The following SETD3 variants were observed in gnomAD, a reference collection of about 807,000 sequenced individuals.
SETD3 encodes SET domain containing 3, actin N3(tau)-histidine methyltransferase.
Under a neutral mutation model 63.0 loss-of-function variants are expected in SETD3, and 19 were observed. The ratio of observed to expected loss-of-function variants is 0.30; its 90% confidence interval spans 0.21 to 0.44. The LOEUF is 0.44. Among genes scored for constraint, SETD3 ranks in the 20% least tolerant of loss-of-function variants. The pLI is 1.00. For synonymous variants in SETD3, 286 were observed against 264.1 expected (o/e 1.08, Z -0.80); for missense variants, 587 against 728.5 (o/e 0.81, Z 2.24).
chr14:99,423,834 T>C (rs1892729936), intron 6 of SETD3, among the ~76,000 whole-genome samples: 1 of 152,106 alleles, frequency 6.6e-6, no homozygotes, highest in Non-Finnish European at 1.5e-5. Context: ...CCAAGGGATA[T>C]CCAAGTAGCA....
intron 6 of SETD3, among the ~76,000 whole-genome samples, chr14:99,430,415 C>T (rs575435358): frequency 6.6e-6 from 1 of 152,204 alleles, no homozygotes; most frequent in South Asian, 2.1e-4. Context: ...TTTTCTATTC[C>T]ATGTATATAT....
chr14:99,464,697 G>A (rs552607491), intron 2 of SETD3, among the ~76,000 whole-genome samples: 3 of 152,222 alleles, frequency 2.0e-5, no homozygotes, highest in Non-Finnish European at 4.4e-5. Flanking sequence ...GCAACGGAGT[G>A]ACCACAGCTA....
At chr14:99,416,950 C>T (rs1200047041) in intron 6 of SETD3, among the ~76,000 whole-genome samples, 2 of 152,038 alleles carry the variant, frequency 1.3e-5, no homozygotes, top group Non-Finnish European at 2.9e-5. Flanking sequence ...TAATATTGTA[C>T]CGAGTACAAA....
upstream of SETD3, among the ~76,000 whole-genome samples, chr14:99,483,560 C>T (rs563093052): frequency 3.3e-5 from 5 of 152,246 alleles, no homozygotes; most frequent in East Asian, 9.7e-4. Context: ...AAGAAAAAGC[C>T]AGGTGACACA....
intron 6 of SETD3, among the ~76,000 whole-genome samples, chr14:99,439,958 T>C (rs574279931): frequency 1.3e-5 from 2 of 151,776 alleles, no homozygotes; most frequent in African/African-American, 4.8e-5. Context: ...CAGGTAATCT[T>C]TCTGTATTTT....
intron 6 of SETD3, among the ~76,000 whole-genome samples, chr14:99,454,778 A>G (rs1425775905): frequency 6.6e-6 from 1 of 152,084 alleles, no homozygotes; most frequent in African/African-American, 2.4e-5. Context: ...GTGGTGCTGC[A>G]GTGATTTCAG....
At chr14:99,449,339 A>G (rs1043710631) in intron 6 of SETD3, among the ~76,000 whole-genome samples, 2 of 152,256 alleles carry the variant, frequency 1.3e-5, no homozygotes, top group Admixed American at 1.3e-4. Context: ...ATAGTCTCAA[A>G]GTATCTTTCT....
chr14:99,434,090 A>G (rs920598789), intron 6 of SETD3, among the ~76,000 whole-genome samples: 5 of 152,264 alleles, frequency 3.3e-5, no homozygotes, highest in Non-Finnish European at 5.9e-5. Context: ...TATGTCCACA[A>G]GAAGATAAAC....
chr14:99,411,199 T>C (rs1891968687), intron 8 of SETD3: 1 of 152,188 alleles, frequency 6.6e-6, no homozygotes, highest in African/African-American at 2.4e-5. Context: ...GAATAAACCT[T>C]CTACAGGTTA....
At position 99,428,640 on chromosome 14, in the gene SETD3, G is replaced by A. The variant is rs189425127; in HGVS notation, c.676-14706C>T. ...AGCCTGGGTGACAGAGTAAGTCCCC[G>A]TCTCAAGAAAAAAGAAAGAAAAACA... On this transcript the variant is annotated intron_variant, in intron 6 of 12. Transcript: ENST00000331768. Among the ~76,000 whole-genome samples the A allele has an allele frequency of 5.3e-4, 81 of 152,218 alleles. 1 individual carries two copies. The highest frequency in any genetic ancestry group is 1.7e-3 in the African/African-American group (69 of 41,522).
At chr14:99,429,520 C>T (rs538133837) in intron 6 of SETD3, among the ~76,000 whole-genome samples, 89 of 152,236 alleles carry the variant, frequency 5.8e-4, no homozygotes, top group African/African-American at 1.6e-3. Flanking sequence ...GCTTAGGGTG[C>T]GAGGCATTTG....
rs150913505 is a variant in SETD3, at chr14:99,465,107, G to A, written c.103+596C>T. ...GTCGTCATAGTGCCATGGCACTCCA[G>A]CCTGGGTGAGAGAGCGGGACCCTGT... On this transcript the variant is annotated intron_variant, in intron 2 of 12. Transcript: ENST00000331768. Among the ~76,000 whole-genome samples, 27 of 152,332 alleles carry A rather than the reference G, an allele frequency of 1.8e-4. 1 individual carries two copies. The highest frequency in any genetic ancestry group is 5.2e-4 in the Admixed American group (8 of 15,306).
In SETD3 at chr14:99,413,046, T is replaced by C. The variant is rs1892090356; in HGVS notation, c.754A>G (p.Met252Val). Residue 252 changes from methionine to valine, a missense_variant, in exon 8 of 13, where the codon ATG becomes GTG. Transcript: ENST00000331768. ...EDYRWAVSSV[M>V]TRQNQIPTED... ...GTGGGAATTTGGTTTTGCCTCGTCA[T>C]AACAGAAGAGACTGCCCACCTATAA... 6.2e-7 allele frequency: 1 copy of C among 1,611,904 alleles called. No individual in the cohort carries two copies. The highest frequency in any genetic ancestry group is 8.5e-7 in the Non-Finnish European group (1 of 1,178,040).
At chr14:99,453,388 T>C (rs1226548776) in intron 6 of SETD3, among the ~76,000 whole-genome samples, 2 of 152,220 alleles carry the variant, frequency 1.3e-5, no homozygotes, top group East Asian at 3.8e-4. Flanking sequence ...TAATTTTTGC[T>C]TAAGTGTGTT....
intron 6 of SETD3, among the ~76,000 whole-genome samples, chr14:99,435,904 C>T (rs1020838564): frequency 7.9e-5 from 12 of 152,032 alleles, no homozygotes; most frequent in South Asian, 4.2e-4. Context: ...TCTCACACTG[C>T]GATGAAGAAC....
chr14:99,461,516 GGAA>G (rs1895060841), intron 3 of SETD3, among the ~76,000 whole-genome samples, 176 bp from the exon 4 acceptor site: 1 of 152,098 alleles, frequency 6.6e-6, no homozygotes, highest in African/African-American at 2.4e-5. Flanking sequence ...CTGGTGACAG[GGAA>G]GAAGAATTAA....
upstream of SETD3, chr14:99,481,689 G>C (rs1334816447): frequency 1.3e-5 from 5 of 388,100 alleles, no homozygotes; most frequent in Non-Finnish European, 2.3e-5. Flanking sequence ...GCCGGGGCGG[G>C]GCAGGGAGGC....
intron 6 of SETD3, among the ~76,000 whole-genome samples, chr14:99,431,719 G>A (rs1868824771): frequency 1.3e-5 from 2 of 152,014 alleles, no homozygotes; most frequent in African/African-American, 4.8e-5. Flanking sequence ...TTGAACTCCC[G>A]ACCTCAGGTG....
intron 6 of SETD3, among the ~76,000 whole-genome samples, chr14:99,418,629 T>C (rs954403661): frequency 3.9e-5 from 6 of 152,252 alleles, no homozygotes; most frequent in African/African-American, 1.2e-4. Context: ...AGCAAATACA[T>C]GTGCTTTGTA....
Sources: gnomAD v4.1 joint callset for allele counts (sites outside exome capture counted in the v4.1 genomes callset) on GRCh38, gnomAD v4.1.1 for gene constraint, MANE v1.5 for transcripts, NCBI Gene and HGNC (gene_info 2026-07-23, HGNC 2026-07-21) for gene names.